Variants in COL9A1 observed in about 807,000 individuals in gnomAD.
COL9A1 encodes the protein collagen alpha-1(IX) chain.
Under a neutral mutation model 142.6 loss-of-function variants are expected in COL9A1, and 104 were observed. That is an observed-to-expected ratio of 0.73 (90% CI 0.62 to 0.86). The LOEUF (loss-of-function observed/expected upper bound fraction) is 0.86, where lower values mean the gene tolerates loss of function less well. Among genes scored for constraint, COL9A1 ranks in the 40% least tolerant of loss-of-function variants. The pLI is 0.00. For missense variants in COL9A1, 1,210 were observed against 1,176.6 expected (o/e 1.03, Z -0.42); for synonymous variants, 466 against 396.0 (o/e 1.18, Z -2.10).
chr6:70,301,933 G>C, intron 2 of COL9A1, 68 bp downstream of exon 2: 1 of 1,321,814 alleles, frequency 7.6e-7, no homozygotes, highest in Non-Finnish European at 1.1e-6. Flanking sequence ...TCTTCAGTCA[G>C]CCACAGCCCT....
chr6:70,287,345 A>G (rs1773496159), intron 5 of COL9A1, among the ~76,000 whole-genome samples: 1 of 152,110 alleles, frequency 6.6e-6, no homozygotes, highest in Non-Finnish European at 1.5e-5. Context: ...ATTGTCATTG[A>G]AAGACTTTTT....
intron 20 of COL9A1, among the ~76,000 whole-genome samples, chr6:70,257,736 G>A (rs1162357100): frequency 6.6e-6 from 1 of 152,168 alleles, no homozygotes; most frequent in Non-Finnish European, 1.5e-5. Context: ...GACAGTGTGA[G>A]ACCCTGTCTC....
At chr6:70,290,403 T>A (rs925564579) in intron 5 of COL9A1, among the ~76,000 whole-genome samples, 7 of 152,044 alleles carry the variant, frequency 4.6e-5, no homozygotes, top group Admixed American at 4.6e-4. Flanking sequence ...TGCTTTAAAA[T>A]CAAACTAACA....
chr6:70,279,191 G>A (rs1013763328), intron 10 of COL9A1, among the ~76,000 whole-genome samples: 2 of 152,104 alleles, frequency 1.3e-5, no homozygotes, highest in African/African-American at 4.8e-5. Context: ...TAGGCTACCA[G>A]TTTGTTCAGT....
At chr6:70,252,903 T>C (rs933176140) in intron 26 of COL9A1, among the ~76,000 whole-genome samples, 9 of 152,200 alleles carry the variant, frequency 5.9e-5, no homozygotes, top group Admixed American at 5.9e-4. Flanking sequence ...CTTTTATCTC[T>C]TTTCTTCTCA....
At chr6:70,266,289 T>C (rs946669129) in intron 18 of COL9A1, among the ~76,000 whole-genome samples, 1 of 148,510 alleles carries the variant, frequency 6.7e-6, no homozygotes, top group African/African-American at 2.4e-5. Context: ...GAACTTGAGA[T>C]GAGAAGCTAT....
intron 33 of COL9A1, among the ~76,000 whole-genome samples, chr6:70,236,741 T>C (rs1304498594): frequency 1.3e-5 from 2 of 152,226 alleles, no homozygotes; most frequent in Admixed American, 6.5e-5. Flanking sequence ...CCTGAAAGAC[T>C]GTCAGCAGGA....
At chr6:70,292,761 G>C (rs1773703760) in intron 5 of COL9A1, among the ~76,000 whole-genome samples, 1 of 152,162 alleles carries the variant, frequency 6.6e-6, no homozygotes, top group African/African-American at 2.4e-5. Flanking sequence ...GCCCAGAAAT[G>C]AACAGCTATT....
At chr6:70,256,571 C>A (rs979798465) in intron 21 of COL9A1, among the ~76,000 whole-genome samples, 197 bp downstream of exon 21, 3 of 152,000 alleles carry the variant, frequency 2.0e-5, no homozygotes, top group African/African-American at 7.2e-5. Context: ...AGAAAAAAAT[C>A]ATGTCAAGTC....
At position 70,239,235 on chromosome 6, in the gene COL9A1, TA is replaced by T; in HGVS notation, c.2112+18del. The T allele has an allele frequency of 6.7e-7, 1 of 1,489,950 alleles. No individual in the cohort carries two copies. The highest frequency in any genetic ancestry group is 9.4e-7 in the Non-Finnish European group (1 of 1,068,428). 92.3% of individuals were successfully genotyped at this position (1,489,950 alleles called of 1,614,324 possible). ...AATGTTTTTAATTTTTTTATACCAT[TA>T]CTATTCACCATACTTACAGATCCCT... On this transcript the variant is annotated intron_variant, in intron 33 of 37. Transcript: ENST00000357250.
Position 70,272,058 on chromosome 6 carries a change from T to A in COL9A1, c.1089+7A>T. ...TGCATAAAAATAAATGATGAAGTGA[T>A]ACTTACAGGGGGTCCAGGAATACCA... On this transcript the variant is annotated splice_region_variant and intron_variant, in intron 13 of 37. Transcript: ENST00000357250. 6.2e-7 allele frequency: 1 copy of A among 1,610,930 alleles called. No individual in the cohort carries two copies. The highest frequency in any genetic ancestry group is 8.5e-7 in the Non-Finnish European group (1 of 1,177,500).
chr6:70,220,726 C>G (rs369314981), intron 37 of COL9A1, among the ~76,000 whole-genome samples: 1 of 152,184 alleles, frequency 6.6e-6, no homozygotes, highest in Non-Finnish European at 1.5e-5. Flanking sequence ...CTCATAATAA[C>G]GGTTCACAAA....
intron 35 of COL9A1, among the ~76,000 whole-genome samples, 170 bp from the exon 36 acceptor site, chr6:70,232,941 A>G (rs1159767239): frequency 6.6e-6 from 1 of 152,230 alleles, no homozygotes; most frequent in African/African-American, 2.4e-5. Context: ...TTTCTGCCAG[A>G]AAGCTTCGCT....
intron 33 of COL9A1, among the ~76,000 whole-genome samples, chr6:70,236,317 T>C (rs1286877186): frequency 6.6e-6 from 1 of 152,102 alleles, no homozygotes; most frequent in Non-Finnish European, 1.5e-5. Context: ...CTAAGATAAA[T>C]GTTTTAAAAA....
chr6:70,283,273 G>T, intron 6 of COL9A1: 1 of 1,420,470 alleles, frequency 7.0e-7, no homozygotes, highest in Non-Finnish European at 9.2e-7. Context: ...AGGGGGCAGG[G>T]GAGGACGGAT....
chr6:70,275,715 A>C (rs970137098), intron 10 of COL9A1, among the ~76,000 whole-genome samples: 1 of 152,126 alleles, frequency 6.6e-6, no homozygotes, highest in Non-Finnish European at 1.5e-5. Context: ...TTTACAATGT[A>C]ATCTTGAAAG....
At chr6:70,219,214 A>G (rs1159910897) in intron 37 of COL9A1, among the ~76,000 whole-genome samples, 1 of 152,186 alleles carries the variant, frequency 6.6e-6, no homozygotes, top group African/African-American at 2.4e-5. Flanking sequence ...GAATGTTCCC[A>G]CTGAGACATA....
intron 19 of COL9A1, 21 bp from the exon 20 acceptor site, chr6:70,260,731 A>G (rs375252017): frequency 5.6e-6 from 9 of 1,612,822 alleles, no homozygotes; most frequent in Non-Finnish European, 7.6e-6. Flanking sequence ...GAAAAAGAGA[A>G]GTGAATTATT....
chr6:70,274,994 C>T (rs1415754771), intron 10 of COL9A1: 5 of 550,524 alleles, frequency 9.1e-6, no homozygotes, highest in Admixed American at 3.2e-5. Flanking sequence ...GTATCATACT[C>T]CTAACTTCCT....
Sources: allele counts gnomAD v4.1 joint callset (sites outside exome capture counted in the v4.1 genomes callset), GRCh38; gene constraint gnomAD v4.1.1; transcripts MANE v1.5; gene names NCBI Gene and HGNC (gene_info 2026-07-23, HGNC 2026-07-21).